Variants in AIDA observed in about 807,000 individuals in gnomAD.
AIDA encodes axin interactor, dorsalization-associated protein.
A neutral mutation model predicts 42.7 loss-of-function variants in AIDA; 18 were observed. That is an observed-to-expected ratio of 0.42 (90% CI 0.29 to 0.63). The LOEUF is 0.63. Among genes scored for constraint, AIDA ranks in the 20% least tolerant of loss-of-function variants. AIDA has a pLI of 0.19. For missense variants in AIDA, 250 were observed against 354.1 expected, an observed-to-expected ratio of 0.71 and a Z score of 2.36; for synonymous variants, 104 against 122.9, an observed-to-expected ratio of 0.85 and a Z score of 1.02.
chr1:222,710,476 C>T (rs757582758), intron 1 of AIDA, among the ~76,000 whole-genome samples: 9 of 152,306 alleles, frequency 5.9e-5, no homozygotes, highest in Middle Eastern at 3.4e-3. Flanking sequence ...ATTGTGAAGT[C>T]GGCTGCCCAG....
In AIDA at chr1:222,693,845, T is replaced by TA; in HGVS notation, c.235-3dup. On this transcript the variant is annotated splice_region_variant and splice_polypyrimidine_tract_variant and intron_variant, in intron 3 of 9. Transcript: ENST00000340020. ...AAATTCTTCTTGAGACTGTGTGGAC[T>TA]AAATTTAAAATAAGCATATTACATC... The TA allele has an allele frequency of 6.2e-7, 1 of 1,606,062 alleles. No individual in the cohort carries two copies. Among genetic ancestry groups the TA allele is most frequent in the Non-Finnish European group, 8.5e-7 (1 of 1,174,114 alleles).
At chr1:222,687,735 T>TTAATTAAAA in intron 4 of AIDA, 77 bp from the exon 5 acceptor site, 2 of 1,118,788 alleles carry the variant, frequency 1.8e-6, no homozygotes, top group Non-Finnish European at 2.5e-6. Context: ...GATTAATTTT[T>TTAATTAAAA]AATCAATTTT....
At chr1:222,693,044 G>A (rs748751333) in intron 4 of AIDA, among the ~76,000 whole-genome samples, 11 of 152,230 alleles carry the variant, frequency 7.2e-5, no homozygotes, top group Non-Finnish European at 1.5e-4. Context: ...TTTCAGCTTT[G>A]TTCAACTATA....
At chr1:222,689,263 C>A (rs1655279869) in intron 4 of AIDA, among the ~76,000 whole-genome samples, 2 of 150,944 alleles carry the variant, frequency 1.3e-5, no homozygotes, top group African/African-American at 4.9e-5. Flanking sequence ...CACAGTGAAA[C>A]CCCATCTCTA....
At chr1:222,700,500 G>A (rs1655660277) in intron 2 of AIDA, among the ~76,000 whole-genome samples, 1 of 152,014 alleles carries the variant, frequency 6.6e-6, no homozygotes, top group Non-Finnish European at 1.5e-5. Flanking sequence ...GCTCACGCCT[G>A]TAATCCCAGC....
chr1:222,690,601 G>A (rs1655344218), intron 4 of AIDA, among the ~76,000 whole-genome samples: 1 of 152,110 alleles, frequency 6.6e-6, no homozygotes, highest in Non-Finnish European at 1.5e-5. Flanking sequence ...AGGAAATCCA[G>A]AGACTGCATG....
chr1:222,711,038 C>T (rs937237624), intron 1 of AIDA, among the ~76,000 whole-genome samples: 6 of 140,502 alleles, frequency 4.3e-5, no homozygotes, highest in African/African-American at 1.1e-4. Flanking sequence ...GAGTTTAGAT[C>T]TTCCAAGTAC....
chr1:222,676,103 A>G lies in AIDA; in HGVS notation c.576T>C (p.Ser192=). ...GQCIDPYITV[S]VKDLNGIDLT... ...GTAAACAGAGTCACTTACCCTTTAC[A>G]CTAACTGTAATATAGGGATCGATGC... The change falls in exon 7 of 10, where the codon AGT becomes AGC. Residue 192 remains serine, a synonymous_variant. Transcript: ENST00000340020. 1.3e-6 allele frequency: 2 copies of G among 1,586,900 alleles called. No homozygotes were observed. The highest frequency in any genetic ancestry group is 8.6e-7 in the Non-Finnish European group (1 of 1,169,402).
In AIDA at chr1:222,670,171, C is replaced by G. The variant is rs1664420294; in HGVS notation, c.786G>C (p.Glu262Asp). The change falls in exon 9 of 10, where the codon GAG (glutamate) becomes GAC (aspartate). Residue 262 changes from glutamate to aspartate, a missense_variant. Coordinates refer to ENST00000340020, the MANE Select transcript of AIDA (RefSeq NM_022831.4). ...FTSTKCFAFM[E>D]MDEIKPGPIV... ...TTGGCCCAGGTTTAATTTCATCCAT[C>G]TCCATGAAAGCAAAACACTTGGTGC... is the stretch of plus-strand genomic sequence containing the variant. The G allele has an allele frequency of 2.5e-6, 4 of 1,614,082 alleles. No individual in the cohort carries two copies. The highest frequency in any genetic ancestry group is 3.4e-6 in the Non-Finnish European group (4 of 1,179,968).
intron 1 of AIDA, among the ~76,000 whole-genome samples, chr1:222,704,411 A>G (rs1655787594): frequency 6.6e-6 from 1 of 152,234 alleles, no homozygotes; most frequent in Admixed American, 6.5e-5. Context: ...GAAAACTACC[A>G]AAATGTCCAT....
chr1:222,670,052 A>C lies in AIDA; in HGVS notation c.825-63T>G, dbSNP rs1414830967. ...TTGATAACTGAACTCTTCAAGGTTA[A>C]ATACTGGATATGGGGGATTCAGAAG... On this transcript the variant is annotated intron_variant, in intron 9 of 9. Coordinates refer to ENST00000340020, the MANE Select transcript of AIDA (RefSeq NM_022831.4). The C allele has an allele frequency of 2.5e-6, 4 of 1,610,126 alleles. No individual in the cohort carries two copies. The African/African-American group carries it at 5.4e-5, about 22-fold the overall frequency.
chr1:222,678,626 CTTAAT>C (rs1188995032), intron 6 of AIDA, among the ~76,000 whole-genome samples: 2 of 152,074 alleles, frequency 1.3e-5, no homozygotes, highest in Non-Finnish European at 2.9e-5. Flanking sequence ...TGGAAAGATA[CTTAAT>C]TTATTCAGTT....
rs1380836408 is a variant in AIDA, at chr1:222,703,137, T to C, written c.180+11A>G. ...TGGAATCTGATATATCTAGAGATTA[T>C]TTTATGGTACCTTTTGTTCTTCTGT... is the stretch of plus-strand genomic sequence containing the variant. On this transcript the variant is annotated intron_variant, in intron 2 of 9. Transcript: ENST00000340020. The C allele has an allele frequency of 1.9e-6, 3 of 1,594,808 alleles. No homozygotes were observed. Among genetic ancestry groups the C allele is most frequent in the African/African-American group, 1.4e-5 (1 of 74,046 alleles).
chr1:222,705,120 A>T (rs772553358), intron 1 of AIDA, among the ~76,000 whole-genome samples: 3 of 152,226 alleles, frequency 2.0e-5, no homozygotes, highest in Admixed American at 6.5e-5. Context: ...GCTTCAAAAA[A>T]ACTTAATATT....
At chr1:222,699,572 C>CT (rs1398362691) in intron 2 of AIDA, among the ~76,000 whole-genome samples, 1 of 152,168 alleles carries the variant, frequency 6.6e-6, no homozygotes, top group Admixed American at 6.5e-5. Flanking sequence ...GTCACAAACT[C>CT]TATCTGTTCA....
chr1:222,668,241 G>T lies in AIDA; in HGVS notation c.*1652C>A. 6.8e-6 allele frequency: 1 copy of T among 146,018 alleles called. No homozygotes were observed. Among genetic ancestry groups the T allele is most frequent in the Non-Finnish European group, 1.5e-5 (1 of 66,788 alleles). 9.0% of individuals were successfully genotyped at this position (146,018 alleles called of 1,614,324 possible). A position where few individuals can be genotyped will look rare whatever the true frequency, so the allele number is the denominator to read the frequency against. ...TCAGCAACATCAAACAAAAGGTACT[G>T]AGTACTCCACAGGGTACAGAGTGCT... On this transcript the variant is annotated 3_prime_UTR_variant, in exon 10 of 10. Transcript: ENST00000340020.
At position 222,686,947 on chromosome 1, in the gene AIDA, A is replaced by C. The variant is rs748557085; in HGVS notation, c.443T>G (p.Phe148Cys). 2.8e-5 allele frequency: 45 copies of C among 1,613,590 alleles called. No individual in the cohort carries two copies. The Admixed American group carries it at 7.5e-4, about 27-fold the overall frequency. The change falls in exon 6 of 10, where the codon TTT becomes TGT. Residue 148 changes from phenylalanine to cysteine, a missense_variant. Physicochemically the swap from Phe to Cys is radical, Grantham distance 205. This residue lies in a region of AIDA where 199 missense variants were observed against 232.6 expected (regional missense o/e 0.86). Coordinates refer to ENST00000340020, the MANE Select transcript of AIDA (RefSeq NM_022831.4). ...ATACCTACCGGGAACTCTAGCAGGAAAAGAATCAGGAGACCCTGCTCCAGC... is the reference window on the plus strand; with the variant it reads ...ATACCTACCGGGAACTCTAGCAGGACAAGAATCAGGAGACCCTGCTCCAGC... ...GGAGAGSPDS[F>C]PARVPGTLLP... is the part of the protein sequence containing the mutation.
intron 2 of AIDA, among the ~76,000 whole-genome samples, chr1:222,698,639 C>A (rs1448772793): frequency 6.6e-6 from 1 of 151,814 alleles, no homozygotes; most frequent in East Asian, 1.9e-4. Flanking sequence ...TTAGTAGAGA[C>A]GGGGTTTCTC....
At chr1:222,678,357 G>A (rs1664591893) in intron 6 of AIDA, among the ~76,000 whole-genome samples, 1 of 151,818 alleles carries the variant, frequency 6.6e-6, no homozygotes, top group Admixed American at 6.6e-5. Flanking sequence ...TTTGATTATG[G>A]TGTTTTCTGA....
Sources: allele counts gnomAD v4.1 joint callset (sites outside exome capture counted in the v4.1 genomes callset), GRCh38; gene constraint gnomAD v4.1.1; regional missense constraint gnomAD v4.1.1; transcripts MANE v1.5; gene names NCBI Gene and HGNC (gene_info 2026-07-23, HGNC 2026-07-21).